The following PACS1 variants were observed in gnomAD, a reference collection of about 807,000 sequenced individuals.
PACS1 encodes the protein phosphofurin acidic cluster sorting protein 1.
In PACS1, 24 loss-of-function variants were observed where a neutral mutation model predicts 115.0. The ratio of observed to expected loss-of-function variants is 0.21; its 90% confidence interval spans 0.15 to 0.29. The LOEUF (loss-of-function observed/expected upper bound fraction) is 0.29, where lower values mean the gene tolerates loss of function less well. Ranked by LOEUF, PACS1 falls within the 10% of genes least tolerant of loss-of-function variation. The pLI, the probability that PACS1 is intolerant of heterozygous loss-of-function variation, is 1.00. For synonymous variants in PACS1, 453 were observed against 504.5 expected (o/e 0.90, Z 1.37); for missense variants, 838 against 1,251.2 (o/e 0.67, Z 4.98).
intron 1 of PACS1, among the ~76,000 whole-genome samples, chr11:66,133,743 G>C (rs1174026728): frequency 6.6e-6 from 1 of 152,126 alleles, no homozygotes; most frequent in African/African-American, 2.4e-5. Context: ...GGCCTCAAGC[G>C]ATCCTCCTAT....
At chr11:66,146,067 A>G (rs1040537727) in intron 1 of PACS1, among the ~76,000 whole-genome samples, 1 of 152,152 alleles carries the variant, frequency 6.6e-6, no homozygotes, top group Non-Finnish European at 1.5e-5. Context: ...TAAAATTATG[A>G]TTATGTCTGT....
At chr11:66,210,885 C>T (rs581247) in intron 3 of PACS1, among the ~76,000 whole-genome samples, 2,116 of 152,286 alleles carry the variant, frequency 0.014, 40 homozygotes, top group African/African-American at 0.048. Context: ...ATGGAGAAAA[C>T]ACCTGATAAA....
At chr11:66,211,549 T>A (rs879320534) in intron 4 of PACS1, among the ~76,000 whole-genome samples, 5 of 152,244 alleles carry the variant, frequency 3.3e-5, no homozygotes, top group Non-Finnish European at 7.3e-5. Flanking sequence ...TTCCCATATG[T>A]GGATTCATCC....
chr11:66,080,790 A>G (rs2134500037), intron 1 of PACS1, among the ~76,000 whole-genome samples: 1 of 152,256 alleles, frequency 6.6e-6, no homozygotes, highest in Non-Finnish European at 1.5e-5. Context: ...CTCAATTTCC[A>G]TCATAGACAG....
chr11:66,175,239 T>C (rs550592860), intron 1 of PACS1, among the ~76,000 whole-genome samples: 1 of 152,310 alleles, frequency 6.6e-6, no homozygotes, highest in South Asian at 2.1e-4. Flanking sequence ...TTTTGTTTTG[T>C]TTTGTTTTAA....
chr11:66,211,024 C>T (rs1398617771), intron 3 of PACS1, 110 bp from the exon 4 acceptor site: 2 of 1,296,842 alleles, frequency 1.5e-6, no homozygotes, highest in Admixed American at 3.7e-5. Flanking sequence ...CTGACTGCCC[C>T]CTTTTAGAGA....
chr11:66,161,945 T>C (rs1170059041), intron 1 of PACS1, among the ~76,000 whole-genome samples: 2 of 152,126 alleles, frequency 1.3e-5, no homozygotes, highest in Non-Finnish European at 2.9e-5. Flanking sequence ...GAGCCCAACC[T>C]GATGGATATT....
At chr11:66,198,827 G>T (rs1854705967) in intron 2 of PACS1, among the ~76,000 whole-genome samples, 1 of 151,898 alleles carries the variant, frequency 6.6e-6, no homozygotes, top group South Asian at 2.1e-4. Context: ...TTTGTTTGGG[G>T]AACATATATT....
At chr11:66,114,721 C>T (rs1858265470) in intron 1 of PACS1, among the ~76,000 whole-genome samples, 1 of 152,110 alleles carries the variant, frequency 6.6e-6, no homozygotes, top group South Asian at 2.1e-4. Context: ...GTTAGAACTA[C>T]ACTGAAAACT....
intron 1 of PACS1, among the ~76,000 whole-genome samples, chr11:66,133,070 C>T (rs1030724516): frequency 5.3e-5 from 8 of 152,158 alleles, no homozygotes; most frequent in African/African-American, 1.9e-4. Flanking sequence ...CCAAAAACCC[C>T]GGAGTCATCT....
At chr11:66,085,657 A>G (rs1271634503) in intron 1 of PACS1, among the ~76,000 whole-genome samples, 1 of 152,248 alleles carries the variant, frequency 6.6e-6, no homozygotes, top group Non-Finnish European at 1.5e-5. Context: ...AGTTCTTAAC[A>G]ATAGACTGAT....
chr11:66,219,258 C>T lies in PACS1; in HGVS notation c.979-488C>T, dbSNP rs538496642. On this transcript the variant is annotated intron_variant, in intron 7 of 23. Coordinates refer to ENST00000320580, the MANE Select transcript of PACS1 (RefSeq NM_018026.4). ...GAGGATCTGGGGTAGCTAGAATGGG[C>T]CTGCGGGGAGAACGAGAAGGAGAGA... Among the ~76,000 whole-genome samples, 10 of 151,926 alleles carry T rather than the reference C, an allele frequency of 6.6e-5. No homozygotes were observed. The South Asian group carries it at 1.9e-3, about 28-fold the overall frequency.
chr11:66,109,173 C>T (rs145474798), intron 1 of PACS1, among the ~76,000 whole-genome samples: 41 of 152,274 alleles, frequency 2.7e-4, no homozygotes, highest in Non-Finnish European at 5.6e-4. Context: ...GGGGATATCC[C>T]GTACCCTCCA....
rs1186664977 is a variant in PACS1, at chr11:66,227,529, T to A, written c.1319T>A (p.Ile440Asn). Residue 440 changes from isoleucine (I) to asparagine (N), a missense_variant, in exon 11 of 24, where the codon ATT (isoleucine) becomes AAT (asparagine). Physicochemically the swap from Ile to Asn is moderately radical, Grantham distance 149. Around this residue, in one of 6 missense-constraint regions of PACS1, gnomAD observed 383 missense variants for 537.0 expected, o/e 0.71. Transcript: ENST00000320580. ...ATGGAATTGGCTGCTCTAGAAAAAATTAAATCTACTTGGATTAAAAACCAA... is the reference window on the plus strand; with the variant it reads ...ATGGAATTGGCTGCTCTAGAAAAAAATAAATCTACTTGGATTAAAAACCAA... ...SPMELAALEK[I>N]KSTWIKNQDD... The A allele has an allele frequency of 1.2e-6, 2 of 1,610,338 alleles. No individual in the cohort carries two copies. The highest frequency in any genetic ancestry group is 1.7e-5 in the Admixed American group (1 of 59,606).
intron 1 of PACS1, among the ~76,000 whole-genome samples, chr11:66,119,354 G>T (rs1014660201): frequency 1.3e-5 from 2 of 152,200 alleles, no homozygotes; most frequent in Non-Finnish European, 1.5e-5. Flanking sequence ...TTTGTATATG[G>T]TCTGTGGCTG....
intron 1 of PACS1, among the ~76,000 whole-genome samples, chr11:66,102,481 C>T (rs1857941161): frequency 1.3e-5 from 2 of 151,964 alleles, no homozygotes; most frequent in Middle Eastern, 3.4e-3. Context: ...CATACCACCA[C>T]GCCAGGCTAA....
chr11:66,102,422 T>C (rs981413071), intron 1 of PACS1, among the ~76,000 whole-genome samples: 49 of 151,994 alleles, frequency 3.2e-4, no homozygotes, highest in African/African-American at 1.1e-3. Flanking sequence ...CCTCCCAGGT[T>C]CAAGCGAGTC....
At chr11:66,218,351 A>G (rs1281852578) in intron 7 of PACS1, 1 of 152,228 alleles carries the variant, frequency 6.6e-6, no homozygotes, top group Non-Finnish European at 1.5e-5. Flanking sequence ...TCAAGCGCAC[A>G]GTGTCTAGTG....
chr11:66,197,993 G>C (rs1030100541), intron 2 of PACS1, among the ~76,000 whole-genome samples: 3 of 152,168 alleles, frequency 2.0e-5, no homozygotes, highest in Non-Finnish European at 4.4e-5. Context: ...TCATTAAAAA[G>C]ATTTACAGAA....
Sources: allele counts gnomAD v4.1 joint callset (sites outside exome capture counted in the v4.1 genomes callset), GRCh38; gene constraint gnomAD v4.1.1; regional missense constraint gnomAD v4.1.1; transcripts MANE v1.5; gene names NCBI Gene and HGNC (gene_info 2026-07-23, HGNC 2026-07-21).